The following RBFOX1 variants were observed in gnomAD, a reference collection of about 807,000 sequenced individuals.
RBFOX1 encodes RNA binding fox-1 homolog 1.
Under a neutral mutation model 57.7 loss-of-function variants are expected in RBFOX1, and 8 were observed. That is an observed-to-expected ratio of 0.14 (90% CI 0.08 to 0.25). The LOEUF is 0.25. Among genes scored for constraint, RBFOX1 ranks in the 10% least tolerant of loss-of-function variants. RBFOX1 has a pLI of 1.00. For missense variants in RBFOX1, 611 were observed against 548.5 expected (o/e 1.11, Z -1.14); for synonymous variants, 326 against 222.4 (o/e 1.47, Z -4.15).
rs558539634 is a variant in RBFOX1 at position 5,759,970 on chromosome 16, A to G, written c.319-107333A>G. 1.1e-3 allele frequency among the ~76,000 whole-genome samples: 167 copies of G among 151,584 alleles called. 1 individual carries two copies. The highest frequency in any genetic ancestry group is 3.6e-3 in the African/African-American group (148 of 41,306). The stretch of plus-strand genomic sequence containing the variant: ...AACTGCACTGAAAATGTAGGTTTCT[A>G]TAATCTTGTAGATGGCTATAAATAT... On this transcript the variant is annotated intron_variant, in intron 3 of 19. Coordinates refer to the RBFOX1 transcript ENST00000641259.
chr16:5,361,065 A>G (rs55836356), intron 1 of RBFOX1, among the ~76,000 whole-genome samples: 34,689 of 152,160 alleles, frequency 0.23, 4,482 homozygotes, highest in Non-Finnish European at 0.28. Context: ...CTTACTTGGT[A>G]TGGAACACTC....
At chr16:6,922,841 C>T (rs555982447) in intron 3 of RBFOX1, among the ~76,000 whole-genome samples, 2 of 152,118 alleles carry the variant, frequency 1.3e-5, no homozygotes, top group South Asian at 2.1e-4. Context: ...TGTCACAGAG[C>T]ACATCATAGT....
At chr16:6,909,362 C>T (rs1158501676) in intron 3 of RBFOX1, among the ~76,000 whole-genome samples, 2 of 152,164 alleles carry the variant, frequency 1.3e-5, no homozygotes, top group African/African-American at 4.8e-5. Context: ...ACTTTGGGTC[C>T]ACCTGGATAA....
At chr16:6,515,968 C>A (rs979000584) in intron 2 of RBFOX1, among the ~76,000 whole-genome samples, 25 of 152,064 alleles carry the variant, frequency 1.6e-4, no homozygotes, top group African/African-American at 5.8e-4. Flanking sequence ...ACTGAAATAC[C>A]TGAACCCTGT....
intron 5 of RBFOX1, among the ~76,000 whole-genome samples, chr16:7,554,343 A>G (rs148437314): frequency 1.4e-4 from 22 of 152,334 alleles, no homozygotes; most frequent in African/African-American, 4.8e-4. Flanking sequence ...CCTTACAGCA[A>G]TCCTGTGTTT....
At chr16:6,222,754 G>C (rs937852839) in intron 1 of RBFOX1, among the ~76,000 whole-genome samples, 4 of 150,764 alleles carry the variant, frequency 2.7e-5, no homozygotes, top group Non-Finnish European at 5.9e-5. Context: ...ACAATGTGCA[G>C]GTTAGTCACA....
intron 3 of RBFOX1, among the ~76,000 whole-genome samples, chr16:6,707,521 C>T (rs901139670): frequency 1.5e-5 from 2 of 131,534 alleles, no homozygotes; most frequent in South Asian, 2.5e-4. Context: ...CTGCAGTGAA[C>T]ATCCTTGTAC....
intron 2 of RBFOX1, among the ~76,000 whole-genome samples, chr16:5,535,139 A>G (rs1217395688): frequency 2.0e-5 from 3 of 152,222 alleles, no homozygotes; most frequent in Admixed American, 2.0e-4. Context: ...CTTAGGTTTG[A>G]AAAAATTAAC....
chr16:5,401,091 C>G (rs1052210440), intron 1 of RBFOX1, among the ~76,000 whole-genome samples: 1 of 151,872 alleles, frequency 6.6e-6, no homozygotes, highest in African/African-American at 2.4e-5. Flanking sequence ...ATCAATATAT[C>G]TCAGGCTTTT....
intron 1 of RBFOX1, among the ~76,000 whole-genome samples, chr16:6,130,280 A>G (rs921370119): frequency 6.6e-6 from 1 of 152,168 alleles, no homozygotes; most frequent in Non-Finnish European, 1.5e-5. Context: ...TAGGAAATAC[A>G]GTTTTATTAT....
chr16:5,951,439 C>T (rs2059518140), intron 4 of RBFOX1, among the ~76,000 whole-genome samples: 1 of 152,078 alleles, frequency 6.6e-6, no homozygotes, highest in African/African-American at 2.4e-5. Context: ...CACAGCAAGA[C>T]TCCATCTCAA....
At chr16:6,929,723 T>A (rs568682796) in intron 3 of RBFOX1, among the ~76,000 whole-genome samples, 2 of 152,240 alleles carry the variant, frequency 1.3e-5, no homozygotes, top group South Asian at 4.2e-4. Flanking sequence ...TTTAACACAT[T>A]TATTATTTAT....
At chr16:5,738,074 T>G (rs554318112) in intron 3 of RBFOX1, among the ~76,000 whole-genome samples, 76 of 151,978 alleles carry the variant, frequency 5.0e-4, no homozygotes, top group Non-Finnish European at 9.7e-4. Context: ...TTCTCATTGT[T>G]CAACTCTCAC....
chr16:6,693,280 C>T lies in RBFOX1; in HGVS notation c.-16+38630C>T, dbSNP rs200823285. 7.9e-5 allele frequency among the ~76,000 whole-genome samples: 12 copies of T among 151,670 alleles called. No homozygotes were observed. The East Asian group carries it at 2.0e-3, about 25-fold the overall frequency. ...CATCCTCATCCACTAACATCACCAC[C>T]GTCATTAGCAACATCATCTTCCTCC... On this transcript the variant is annotated intron_variant, in intron 3 of 15. Transcript: ENST00000550418.
rs1597909628 is a variant in RBFOX1 at position 5,947,750 on chromosome 16, G to C, written c.351+80415G>C. Among the ~76,000 whole-genome samples, 1 of 152,154 alleles carries C rather than the reference G, an allele frequency of 6.6e-6. No individual in the cohort carries two copies. Among genetic ancestry groups the C allele is most frequent in the Non-Finnish European group, 1.5e-5 (1 of 68,042 alleles). Reference sequence around the variant, plus strand: ...TACTATGTCCAGGAACATTCTTAAGGGGGTGTCTCCACCTAACAGTGCAAG... The same window carrying C: ...TACTATGTCCAGGAACATTCTTAAGCGGGTGTCTCCACCTAACAGTGCAAG... On this transcript the variant is annotated intron_variant, in intron 4 of 19. Transcript: ENST00000641259. The surrounding 1 kb of genome is among the most constrained non-coding windows in gnomAD (Gnocchi z 7.2).
intron 4 of RBFOX1, among the ~76,000 whole-genome samples, chr16:5,994,965 C>T (rs1218874152): frequency 6.6e-6 from 1 of 152,144 alleles, no homozygotes; most frequent in South Asian, 2.1e-4. Context: ...AACCAAAAGC[C>T]CCAGCTTCAG....
rs138298788 is a variant in RBFOX1 at position 6,241,431 on chromosome 16, C to T, written c.-126-75564C>T. On this transcript the variant is annotated intron_variant, in intron 1 of 15. Transcript: ENST00000550418. The stretch of plus-strand genomic sequence containing the variant: ...TAATAAATTGTCAAAAATAATAAGA[C>T]TGCTGCCAAGTCTGAAAGCTATAAA... Among the ~76,000 whole-genome samples the T allele has an allele frequency of 2.9e-4, 44 of 152,144 alleles. 1 individual carries two copies. The East Asian group carries it at 8.3e-3, about 29-fold the overall frequency.
intron 2 of RBFOX1, among the ~76,000 whole-genome samples, chr16:5,513,757 G>T (rs899993398): frequency 1.3e-5 from 2 of 152,002 alleles, no homozygotes; most frequent in African/African-American, 4.8e-5. Context: ...TGCTCAAATT[G>T]TGCCAGATTC....
intron 2 of RBFOX1, among the ~76,000 whole-genome samples, chr16:6,484,844 C>G (rs1050276089): frequency 2.0e-5 from 3 of 152,190 alleles, no homozygotes; most frequent in African/African-American, 7.2e-5. Flanking sequence ...AGAATTTACT[C>G]ATTGTTGACA....
Sources: gnomAD v4.1 joint callset for allele counts (sites outside exome capture counted in the v4.1 genomes callset) on GRCh38, gnomAD v4.1.1 for gene constraint, Gnocchi (gnomAD v3.1) non-coding constraint, MANE v1.5 for transcripts, NCBI Gene and HGNC (gene_info 2026-07-23, HGNC 2026-07-21) for gene names.